TMEM132C: variants seen among roughly 807,000 people sequenced by gnomAD.
TMEM132C encodes protein phosphatase 1, regulatory subunit 152.
Under a neutral mutation model 61.4 loss-of-function variants are expected in TMEM132C, and 29 were observed. The observed-to-expected ratio is 0.47, with a 90% CI of 0.35 to 0.64. The LOEUF (loss-of-function observed/expected upper bound fraction) is 0.64, where lower values mean the gene tolerates loss of function less well. TMEM132C is among the 30% of genes least tolerant of loss of function. The pLI is 0.00. For synonymous variants in TMEM132C, 656 were observed against 633.1 expected (o/e 1.04, Z -0.54); for missense variants, 1,408 against 1,476.9 (o/e 0.95, Z 0.76).
At chr12:128,542,702 T>C (rs1873799447) in intron 2 of TMEM132C, among the ~76,000 whole-genome samples, 1 of 142,924 alleles carries the variant, frequency 7.0e-6, no homozygotes, top group Non-Finnish European at 1.6e-5. Flanking sequence ...TCTACTAAAA[T>C]ACAAAAAAAG....
chr12:128,452,069 A>T (rs908170108), intron 2 of TMEM132C, among the ~76,000 whole-genome samples: 16 of 152,130 alleles, frequency 1.1e-4, no homozygotes, highest in Non-Finnish European at 1.8e-4. Flanking sequence ...TTTATTTTTT[A>T]AAAAATAAAA....
intron 1 of TMEM132C, among the ~76,000 whole-genome samples, chr12:128,328,946 G>A (rs1230124746): frequency 5.3e-5 from 8 of 152,160 alleles, no homozygotes; most frequent in Non-Finnish European, 8.8e-5. Flanking sequence ...CCTATCCTCT[G>A]TGTGCTTTGG....
intron 1 of TMEM132C, among the ~76,000 whole-genome samples, chr12:128,384,891 C>A (rs1461239087): frequency 2.6e-5 from 4 of 152,174 alleles, no homozygotes; most frequent in African/African-American, 9.7e-5. Flanking sequence ...AGAGTCCCTG[C>A]AAAGGCCTCT....
At chr12:128,284,582 T>C (rs1338283548) in intron 1 of TMEM132C, among the ~76,000 whole-genome samples, 1 of 152,030 alleles carries the variant, frequency 6.6e-6, no homozygotes, top group Non-Finnish European at 1.5e-5. Flanking sequence ...TGGCAAGAGG[T>C]TTCCTGTAAG....
At chr12:128,559,342 C>T (rs1874438480) in intron 3 of TMEM132C, among the ~76,000 whole-genome samples, 1 of 152,088 alleles carries the variant, frequency 6.6e-6, no homozygotes, top group Non-Finnish European at 1.5e-5. Context: ...TAAACCAACC[C>T]CCATATGAAC....
chr12:128,382,768 A>G (rs757664103), intron 1 of TMEM132C, among the ~76,000 whole-genome samples: 18 of 152,214 alleles, frequency 1.2e-4, no homozygotes, highest in Non-Finnish European at 2.2e-4. Context: ...CAGATATTCT[A>G]ATTTTCTGCT....
chr12:128,284,165 A>G (rs1434908130), intron 1 of TMEM132C, among the ~76,000 whole-genome samples: 1 of 152,154 alleles, frequency 6.6e-6, no homozygotes, highest in Admixed American at 6.5e-5. Flanking sequence ...TCCTAGGAAA[A>G]TAACGTGAGC....
At chr12:128,687,415 A>G (rs892873993) in intron 5 of TMEM132C, among the ~76,000 whole-genome samples, 4 of 152,156 alleles carry the variant, frequency 2.6e-5, no homozygotes, top group African/African-American at 9.7e-5. Context: ...CCTCCCATTT[A>G]TCACAATCAA....
At chr12:128,659,603 G>A (rs1203620446) in intron 4 of TMEM132C, among the ~76,000 whole-genome samples, 1 of 152,204 alleles carries the variant, frequency 6.6e-6, no homozygotes, top group Non-Finnish European at 1.5e-5. Context: ...AGAGACAGGT[G>A]GCAGGGAAGA....
Position 128,692,666 on chromosome 12 carries a change from C to G in TMEM132C, c.1450-1163C>G, listed in dbSNP as rs531404975. 7.9e-5 allele frequency among the ~76,000 whole-genome samples: 12 copies of G among 152,314 alleles called. No homozygotes were observed. In the East Asian group the frequency reaches 2.1e-3, roughly 27 times the overall value. On this transcript the variant is annotated intron_variant, in intron 5 of 8. Transcript: ENST00000435159. ...GACATTTTTTACCGGTCACAGTCCG[C>G]CCAGGTTACCTCTTCAATGGCCCCT...
chr12:128,344,916 G>C (rs920733159), intron 1 of TMEM132C, among the ~76,000 whole-genome samples: 1 of 147,844 alleles, frequency 6.8e-6, no homozygotes, highest in Non-Finnish European at 1.5e-5. Flanking sequence ...TCCTAAAAAA[G>C]ATGAGTTTCT....
intron 2 of TMEM132C, among the ~76,000 whole-genome samples, chr12:128,417,533 T>C (rs11829337): frequency 0.065 from 9,934 of 152,220 alleles, 1,046 homozygotes; most frequent in African/African-American, 0.22. Context: ...ACCTCAATTC[T>C]GATCCTATCT....
intron 4 of TMEM132C, among the ~76,000 whole-genome samples, chr12:128,623,548 T>G (rs182069191): frequency 7.5e-4 from 114 of 152,140 alleles, no homozygotes; most frequent in African/African-American, 2.6e-3. Context: ...GGCTCACACC[T>G]GTAATCCCAG....
chr12:128,293,251 C>G (rs1871304059), intron 1 of TMEM132C, among the ~76,000 whole-genome samples: 1 of 152,196 alleles, frequency 6.6e-6, no homozygotes, highest in Admixed American at 6.5e-5. Flanking sequence ...TCCCTAATCT[C>G]AGGGGGCCGT....
intron 2 of TMEM132C, among the ~76,000 whole-genome samples, chr12:128,487,865 C>G (rs1056506191): frequency 2.6e-5 from 4 of 152,060 alleles, no homozygotes; most frequent in Non-Finnish European, 5.9e-5. Flanking sequence ...TGGCCTCATT[C>G]TCTAGATCTG....
chr12:128,569,233 G>A (rs911016704), intron 3 of TMEM132C, among the ~76,000 whole-genome samples: 1 of 152,218 alleles, frequency 6.6e-6, no homozygotes, highest in African/African-American at 2.4e-5. Context: ...ACAGTGTCCA[G>A]CAGGGCTGGA....
chr12:128,637,116 T>C (rs144382343), intron 4 of TMEM132C, among the ~76,000 whole-genome samples: 1 of 152,370 alleles, frequency 6.6e-6, no homozygotes, highest in South Asian at 2.1e-4. Context: ...CCTTTGGATA[T>C]ACCTCCAGAA....
intron 2 of TMEM132C, among the ~76,000 whole-genome samples, chr12:128,509,379 T>C (rs1002554801): frequency 3.3e-5 from 5 of 152,162 alleles, no homozygotes; most frequent in Admixed American, 3.3e-4. Flanking sequence ...TTGGAGGCTT[T>C]GGTTAGTGCT....
intron 3 of TMEM132C, among the ~76,000 whole-genome samples, chr12:128,564,605 G>A (rs7134561): frequency 0.021 from 3,210 of 152,326 alleles, 119 homozygotes; most frequent in African/African-American, 0.073. Flanking sequence ...AACAATGTAA[G>A]TGCAGTGACG....
Sources: allele counts gnomAD v4.1 joint callset (sites outside exome capture counted in the v4.1 genomes callset), GRCh38; gene constraint gnomAD v4.1.1; transcripts MANE v1.5; gene names NCBI Gene and HGNC (gene_info 2026-07-23, HGNC 2026-07-21).